CSRNP3: variants seen among roughly 807,000 people sequenced by gnomAD.
CSRNP3 encodes the protein cysteine/serine-rich nuclear protein 3.
CSRNP3 carries 12 observed loss-of-function variants against 48.0 expected under a neutral mutation model. The observed-to-expected ratio is 0.25, with a 90% CI of 0.16 to 0.41. The LOEUF (loss-of-function observed/expected upper bound fraction) is 0.41, where lower values mean the gene tolerates loss of function less well. Among genes scored for constraint, CSRNP3 ranks in the 10% least tolerant of loss-of-function variants. CSRNP3 has a pLI of 1.00. For synonymous variants in CSRNP3, 263 were observed against 269.7 expected, an observed-to-expected ratio of 0.98 and a Z score of 0.24; for missense variants, 580 against 724.4, an observed-to-expected ratio of 0.80 and a Z score of 2.29.
rs183701456 is a variant in CSRNP3, at chr2:165,581,765, G to A, written c.-23-13278G>A. ...TTGGCCAGGCTGGTCTCGAACTACC[G>A]ACCTCAGGCAATCCGCCCACCTCTG... On this transcript the variant is annotated intron_variant, in intron 3 of 6. Coordinates refer to ENST00000651982, the MANE Select transcript of CSRNP3 (RefSeq NM_001172173.2). Among the ~76,000 whole-genome samples the A allele has an allele frequency of 5.2e-4, 79 of 152,146 alleles. No homozygotes were observed. The Middle Eastern group carries it at 0.014, about 26-fold the overall frequency.
At chr2:165,563,993 C>CA (rs1400438820) in intron 3 of CSRNP3, among the ~76,000 whole-genome samples, 11 of 152,142 alleles carry the variant, frequency 7.2e-5, no homozygotes, top group African/African-American at 2.2e-4. Context: ...TCTGTGGTGT[C>CA]ACTCCCTGAC....
intron 2 of CSRNP3, among the ~76,000 whole-genome samples, chr2:165,512,640 C>A (rs941882853): frequency 6.6e-6 from 1 of 152,132 alleles, no homozygotes; most frequent in Non-Finnish European, 1.5e-5. Context: ...TATGTGAAAA[C>A]AATGGAAATT....
intron 2 of CSRNP3, among the ~76,000 whole-genome samples, chr2:165,509,531 A>G (rs1238584064): frequency 6.6e-6 from 1 of 152,202 alleles, no homozygotes; most frequent in Admixed American, 6.5e-5. Flanking sequence ...CTGAAAGGCA[A>G]TGCTGATTGT....
At chr2:165,608,879 A>G (rs1272963879) in intron 4 of CSRNP3, among the ~76,000 whole-genome samples, 1 of 146,802 alleles carries the variant, frequency 6.8e-6, no homozygotes, top group Non-Finnish European at 1.5e-5. Flanking sequence ...TCACGAGGTC[A>G]GGAGATCCAG....
At position 165,683,454 on chromosome 2, in the gene CSRNP3, A is replaced by T. The variant is rs933461202; in HGVS notation, c.*3701A>T. On this transcript the variant is annotated 3_prime_UTR_variant, in exon 7 of 7. Transcript: ENST00000651982. ...ATGTTAAGTGGCTATGTTCTTTAAA[A>T]TTTTACATTCTAATAGATGACTTCT... 3 of 152,062 alleles carry T rather than the reference A, an allele frequency of 2.0e-5. No individual in the cohort carries two copies. Among genetic ancestry groups the T allele is most frequent in the African/African-American group, 7.2e-5 (3 of 41,434 alleles). 9.4% of individuals were successfully genotyped at this position (152,062 alleles called of 1,614,324 possible). A position where few individuals can be genotyped will look rare whatever the true frequency, so the allele number is the denominator to read the frequency against.
intron 3 of CSRNP3, among the ~76,000 whole-genome samples, chr2:165,519,195 G>A (rs1684619397): frequency 6.6e-6 from 1 of 151,988 alleles, no homozygotes; most frequent in Non-Finnish European, 1.5e-5. Flanking sequence ...AAAGTCTCTT[G>A]ACACAACTGC....
At chr2:165,533,006 A>C (rs1574825326) in intron 3 of CSRNP3, among the ~76,000 whole-genome samples, 1 of 152,168 alleles carries the variant, frequency 6.6e-6, no homozygotes, top group East Asian at 1.9e-4. Flanking sequence ...CTTACAAGGG[A>C]TGTGAAAATT....
At chr2:165,507,188 G>A (rs1274047377) in intron 2 of CSRNP3, among the ~76,000 whole-genome samples, 1 of 152,018 alleles carries the variant, frequency 6.6e-6, no homozygotes, top group Admixed American at 6.6e-5. Context: ...TTGAGGATAT[G>A]TTGTAAGTCC....
chr2:165,606,070 C>T (rs1686005429), intron 4 of CSRNP3, among the ~76,000 whole-genome samples: 1 of 151,348 alleles, frequency 6.6e-6, no homozygotes. Context: ...TACCTCATGC[C>T]ATATATGAAA....
At chr2:165,668,697 G>C (rs184353941) in intron 5 of CSRNP3, among the ~76,000 whole-genome samples, 1 of 152,112 alleles carries the variant, frequency 6.6e-6, no homozygotes, top group African/African-American at 2.4e-5. Flanking sequence ...ACCACGCCCA[G>C]CCCATATCCT....
chr2:165,500,422 C>CATATATATAT (rs1558917846), intron 2 of CSRNP3, among the ~76,000 whole-genome samples: 5 of 66,654 alleles, frequency 7.5e-5, no homozygotes, highest in African/African-American at 4.1e-4. Context: ...TATATATATA[C>CATATATATAT]ACACACACAC....
At chr2:165,504,515 A>G (rs1488560342) in intron 2 of CSRNP3, among the ~76,000 whole-genome samples, 2 of 152,096 alleles carry the variant, frequency 1.3e-5, no homozygotes, top group Non-Finnish European at 2.9e-5. Flanking sequence ...TACTTTCTAT[A>G]AGAAAATAAA....
chr2:165,649,097 G>A (rs1686862939), intron 4 of CSRNP3, among the ~76,000 whole-genome samples: 1 of 152,156 alleles, frequency 6.6e-6, no homozygotes, highest in African/African-American at 2.4e-5. Context: ...CCAAAACAAA[G>A]CTTTAGTCAA....
chr2:165,518,762 G>T (rs895013548), intron 3 of CSRNP3, among the ~76,000 whole-genome samples: 1 of 151,938 alleles, frequency 6.6e-6, no homozygotes, highest in Non-Finnish European at 1.5e-5. Context: ...GGTCAGGCAT[G>T]TCTTCAGTAT....
chr2:165,565,162 G>A (rs1198492481), intron 3 of CSRNP3, among the ~76,000 whole-genome samples: 1 of 151,940 alleles, frequency 6.6e-6, no homozygotes, highest in Non-Finnish European at 1.5e-5. Flanking sequence ...TAGTACCCAC[G>A]GTTGTCAGCG....
intron 1 of CSRNP3, among the ~76,000 whole-genome samples, chr2:165,494,082 A>G (rs887295515): frequency 2.0e-5 from 3 of 152,114 alleles, no homozygotes; most frequent in Admixed American, 1.3e-4. Context: ...GAGAGTGAAG[A>G]GATTTAAATT....
chr2:165,644,793 T>C (rs927609927), intron 4 of CSRNP3, among the ~76,000 whole-genome samples: 1 of 152,212 alleles, frequency 6.6e-6, no homozygotes, highest in Non-Finnish European at 1.5e-5. Context: ...AATTCTTCTA[T>C]CCATAGTTTT....
intron 4 of CSRNP3, among the ~76,000 whole-genome samples, chr2:165,624,697 G>A (rs1686399019): frequency 1.3e-5 from 2 of 152,082 alleles, no homozygotes; most frequent in Non-Finnish European, 2.9e-5. Flanking sequence ...GCACACTGAG[G>A]TTCTCACCCT....
At chr2:165,675,481 A>C (rs1017707342) in intron 5 of CSRNP3, among the ~76,000 whole-genome samples, 1 of 152,204 alleles carries the variant, frequency 6.6e-6, no homozygotes, top group Non-Finnish European at 1.5e-5. Context: ...CAATAGTAAG[A>C]AATGAAGTAC....
Sources: allele counts gnomAD v4.1 joint callset (sites outside exome capture counted in the v4.1 genomes callset), GRCh38; gene constraint gnomAD v4.1.1; transcripts MANE v1.5; gene names NCBI Gene and HGNC (gene_info 2026-07-23, HGNC 2026-07-21).